The following RUFY3 variants were observed in gnomAD, a reference collection of about 807,000 sequenced individuals.
RUFY3 encodes the protein protein RUFY3.
Under a neutral mutation model 84.0 loss-of-function variants are expected in RUFY3, and 34 were observed. The ratio of observed to expected loss-of-function variants is 0.40; its 90% CI spans 0.31 to 0.54. The LOEUF (loss-of-function observed/expected upper bound fraction) is 0.54, where lower values mean the gene tolerates loss of function less well. RUFY3 is among the 20% of genes least tolerant of loss of function. The pLI is 0.39. For missense variants in RUFY3, 507 were observed against 736.8 expected, an observed-to-expected ratio of 0.69 and a Z score of 3.61; for synonymous variants, 242 against 252.9, an observed-to-expected ratio of 0.96 and a Z score of 0.41.
chr4:70,789,552 A>T lies in RUFY3; in HGVS notation c.1297A>T (p.Thr433Ser). 6.2e-7 allele frequency: 1 copy of T among 1,613,188 alleles called. No homozygotes were observed. Among genetic ancestry groups the T allele is most frequent in the Non-Finnish European group, 8.5e-7 (1 of 1,179,418 alleles). ...ACTAAACAGTCGCTTGGAAGAGAAGACTAATCAGATGGCTGCTACCATTAA... is the reference window on the plus strand; with the variant it reads ...ACTAAACAGTCGCTTGGAAGAGAAGTCTAATCAGATGGCTGCTACCATTAA... Reference protein sequence around the residue: ...SELNSRLEEKTNQMAATIKQL... With the variant: ...SELNSRLEEKSNQMAATIKQL... Residue 433 changes from threonine (T) to serine (S), a missense_variant, in exon 12 of 18, where the codon ACT becomes TCT. Around this residue, in one of 4 missense-constraint regions of RUFY3, gnomAD observed 334 missense variants for 364.1 expected, o/e 0.92. Coordinates refer to ENST00000381006, the MANE Select transcript of RUFY3 (RefSeq NM_001037442.4).
intron 7 of RUFY3, among the ~76,000 whole-genome samples, chr4:70,777,536 C>T (rs1431904374): frequency 6.6e-6 from 1 of 152,114 alleles, no homozygotes; most frequent in Non-Finnish European, 1.5e-5. Flanking sequence ...AAATTCAAAA[C>T]AATTTAAGTA....
intron 1 of RUFY3, chr4:70,705,363 C>A: frequency 8.6e-7 from 1 of 1,158,148 alleles, no homozygotes; most frequent in South Asian, 2.5e-5. Context: ...GCCGGCCCGG[C>A]CCCCGCGGAG....
intron 1 of RUFY3, among the ~76,000 whole-genome samples, chr4:70,745,430 G>T (rs1428253732): frequency 6.6e-6 from 1 of 152,050 alleles, no homozygotes; most frequent in Non-Finnish European, 1.5e-5. Context: ...GGGAAATTAT[G>T]AACATTAAAT....
At position 70,780,615 on chromosome 4, in the gene RUFY3, G is replaced by A. The variant is rs374753155; in HGVS notation, c.894+2177G>A. Among the ~76,000 whole-genome samples the A allele has an allele frequency of 3.2e-4, 49 of 152,124 alleles. No individual in the cohort carries two copies. The East Asian group carries it at 8.7e-3, about 27-fold the overall frequency. ...GCCACTTGCTAGTCTTCTAATCCTG[G>A]GCCAATTACTTAAGCTTCTATTCCT... On this transcript the variant is annotated intron_variant, in intron 8 of 17. Coordinates refer to ENST00000381006, the MANE Select transcript of RUFY3 (RefSeq NM_001037442.4).
rs112344178 is a variant in RUFY3 at position 70,801,394 on chromosome 4, G to T, written c.1622+1189G>T. Among the ~76,000 whole-genome samples, 879 of 152,248 alleles carry T rather than the reference G, an allele frequency of 5.8e-3. 14 individuals carry two copies. The highest frequency in any genetic ancestry group is 0.021 in the African/African-American group (852 of 41,526). ...TTGTGTCAGTGTAGGCTCATCAGTT[G>T]TAACAAATGTACCACTCTGGTGCAG... On this transcript the variant is annotated intron_variant, in intron 15 of 17. Coordinates refer to ENST00000381006, the MANE Select transcript of RUFY3 (RefSeq NM_001037442.4).
intron 1 of RUFY3, among the ~76,000 whole-genome samples, chr4:70,755,932 C>T (rs909018438): frequency 2.1e-5 from 3 of 145,898 alleles, no homozygotes; most frequent in African/African-American, 7.7e-5. Flanking sequence ...TCCCGGGTGA[C>T]AGAGCGAGAT....
intron 14 of RUFY3, among the ~76,000 whole-genome samples, chr4:70,796,050 G>A (rs560110948): frequency 6.6e-6 from 1 of 152,266 alleles, no homozygotes; most frequent in South Asian, 2.1e-4. Context: ...GTATTAGCCA[G>A]GTGTGGTGGC....
intron 12 of RUFY3, chr4:70,792,129 A>G: frequency 1.0e-6 from 1 of 985,582 alleles, no homozygotes; most frequent in African/African-American, 1.7e-5. Flanking sequence ...CTCTCCTATT[A>G]ACAAAAAATG....
chr4:70,704,056 G>A (rs1243702388), upstream of RUFY3: 3 of 152,228 alleles, frequency 2.0e-5, no homozygotes, highest in African/African-American at 7.2e-5. Flanking sequence ...AAGCAACGGT[G>A]GCTAATTACT....
chr4:70,752,362 C>T (rs1030700393), intron 1 of RUFY3, among the ~76,000 whole-genome samples: 1 of 152,074 alleles, frequency 6.6e-6, no homozygotes, highest in African/African-American at 2.4e-5. Flanking sequence ...ATCATGTCAT[C>T]TGCAAATATA....
intron 1 of RUFY3, among the ~76,000 whole-genome samples, chr4:70,713,500 A>G (rs1741227603): frequency 6.6e-6 from 1 of 151,810 alleles, no homozygotes; most frequent in Admixed American, 6.6e-5. Context: ...TTTTTATCTG[A>G]CATGCTCCCT....
At chr4:70,768,063 G>A (rs945544324) in intron 4 of RUFY3, among the ~76,000 whole-genome samples, 4 of 152,060 alleles carry the variant, frequency 2.6e-5, no homozygotes, top group African/African-American at 9.7e-5. Flanking sequence ...TCAAAGTCCT[G>A]GGCTCAAGCA....
chr4:70,725,126 C>T (rs911375514), intron 1 of RUFY3, among the ~76,000 whole-genome samples: 3 of 152,176 alleles, frequency 2.0e-5, no homozygotes, highest in Admixed American at 2.0e-4. Context: ...TGTGTGTACT[C>T]AGCAATAGAG....
At chr4:70,788,406 A>G (rs760160639) in intron 10 of RUFY3, among the ~76,000 whole-genome samples, 28 of 152,128 alleles carry the variant, frequency 1.8e-4, no homozygotes, top group Non-Finnish European at 3.5e-4. Context: ...ATATATCAAC[A>G]ACATTCACAT....
In RUFY3 at chr4:70,807,374, C is replaced by T. The variant is rs1328454099; in HGVS notation, c.*715C>T. ...TAAATAACTGCCCTTTTCAGAATCT[C>T]CTTCCACAAAACAAGCCAACTCTTC... On this transcript the variant is annotated 3_prime_UTR_variant, in exon 18 of 18. Coordinates refer to ENST00000381006, the MANE Select transcript of RUFY3 (RefSeq NM_001037442.4). 1.3e-5 allele frequency: 2 copies of T among 152,162 alleles called. No homozygotes were observed. The highest frequency in any genetic ancestry group is 1.3e-4 in the Admixed American group (2 of 15,276). 9.4% of individuals were successfully genotyped at this position (152,162 alleles called of 1,614,324 possible). A position where few individuals can be genotyped will look rare whatever the true frequency, so the allele number is the denominator to read the frequency against.
intron 1 of RUFY3, among the ~76,000 whole-genome samples, chr4:70,705,633 C>A (rs1740220873): frequency 1.3e-5 from 2 of 152,166 alleles, no homozygotes; most frequent in African/African-American, 4.8e-5. Flanking sequence ...TGCCTGCCCC[C>A]CTCCACCCGG....
intron 14 of RUFY3, among the ~76,000 whole-genome samples, chr4:70,796,106 T>C (rs1240510670): frequency 6.6e-6 from 1 of 152,064 alleles, no homozygotes; most frequent in Non-Finnish European, 1.5e-5. Flanking sequence ...GGCTGAGGCA[T>C]GAGAATCACT....
intron 10 of RUFY3, 131 bp downstream of exon 10, chr4:70,785,010 G>T (rs1729553593): frequency 3.8e-6 from 2 of 520,942 alleles, no homozygotes; most frequent in Non-Finnish European, 6.6e-6. Context: ...CTATAAAATG[G>T]TTCATCTCTT....
chr4:70,775,038 C>T, intron 6 of RUFY3, 130 bp from the exon 7 acceptor site: 1 of 547,832 alleles, frequency 1.8e-6, no homozygotes, highest in African/African-American at 2.0e-5. Context: ...TCAAATCTGT[C>T]TTATGGTTCA....
Sources: allele counts gnomAD v4.1 joint callset (sites outside exome capture counted in the v4.1 genomes callset), GRCh38; gene constraint gnomAD v4.1.1; regional missense constraint gnomAD v4.1.1; transcripts MANE v1.5; gene names NCBI Gene and HGNC (gene_info 2026-07-23, HGNC 2026-07-21).